The following HOGA1 variants were observed in gnomAD, a reference collection of about 807,000 sequenced individuals.
HOGA1 encodes the protein 4-hydroxy-2-oxoglutarate aldolase, mitochondrial.
A neutral mutation model predicts 34.3 loss-of-function variants in HOGA1; 30 were observed. That is an observed-to-expected ratio of 0.87 (90% CI 0.65 to 1.19). HOGA1 has a LOEUF of 1.19. Ranked by LOEUF, HOGA1 falls within the 50% of genes most tolerant of loss-of-function variation. The probability of loss-of-function intolerance (pLI) is 0.00; values close to 1 mark genes in which losing one functional copy is unlikely to be tolerated. For missense variants in HOGA1, 417 were observed against 436.5 expected, an observed-to-expected ratio of 0.96 and a Z score of 0.40; for synonymous variants, 161 against 174.0, an observed-to-expected ratio of 0.93 and a Z score of 0.59.
chr10:97,589,106 G>A (rs865968191), intron 1 of HOGA1, among the ~76,000 whole-genome samples: 12 of 152,048 alleles, frequency 7.9e-5, no homozygotes, highest in African/African-American at 2.7e-4. Context: ...ATCTAGACCC[G>A]ATGAAGTCTC....
rs750145949 is a variant in HOGA1, at chr10:97,600,094, A to G, written c.631A>G (p.Lys211Glu). 1.4e-5 allele frequency: 23 copies of G among 1,614,038 alleles called. No homozygotes were observed. ...DVTRIGLIVH[K>E]TRKQDFQVLA... ...GACCAGGATTGGGCTGATTGTTCACAAGACCAGGAAGCAGGATTTTCAGGT... is the reference window on the plus strand; with the variant it reads ...GACCAGGATTGGGCTGATTGTTCACGAGACCAGGAAGCAGGATTTTCAGGT... Residue 211 changes from lysine (K) to glutamate (E), a missense_variant, in exon 5 of 7, where the codon AAG becomes GAG. Physicochemically the swap from Lys to Glu is moderately conservative, Grantham distance 56. Coordinates refer to ENST00000370646, the MANE Select transcript of HOGA1 (RefSeq NM_138413.4).
Position 97,611,726 on chromosome 10 carries a change from G to A in HOGA1, c.*67G>A. The A allele has an allele frequency of 6.4e-7, 1 of 1,550,762 alleles. No homozygotes were observed. Among genetic ancestry groups the A allele is most frequent in the Non-Finnish European group, 8.7e-7 (1 of 1,148,282 alleles). On this transcript the variant is annotated 3_prime_UTR_variant, in exon 7 of 7. Transcript: ENST00000370646. The stretch of plus-strand genomic sequence containing the variant: ...TCCTGCCTTGCACTTGCAGCCTGAA[G>A]CGGAGAGCACAGGGGGATGAGGGTG...
chr10:97,605,210 A>G (rs1156286547), intron 6 of HOGA1, among the ~76,000 whole-genome samples: 1 of 152,048 alleles, frequency 6.6e-6, no homozygotes, highest in Non-Finnish European at 1.5e-5. Context: ...GGAGTTCAAG[A>G]CCAGCCTGCG....
chr10:97,600,333 T>G, intron 5 of HOGA1, 170 bp downstream of exon 5: 1 of 675,872 alleles, frequency 1.5e-6, no homozygotes, highest in East Asian at 2.7e-5. Context: ...CTGTCTGAAT[T>G]CGGGATGCTG....
At chr10:97,607,935 A>G (rs1307598618) in intron 6 of HOGA1, among the ~76,000 whole-genome samples, 1 of 152,230 alleles carries the variant, frequency 6.6e-6, no homozygotes, top group Non-Finnish European at 1.5e-5. Context: ...ATTTATTATA[A>G]TTTTATTTTC....
chr10:97,591,634 T>C (rs1460260900), intron 1 of HOGA1, among the ~76,000 whole-genome samples: 1 of 151,902 alleles, frequency 6.6e-6, no homozygotes, highest in Non-Finnish European at 1.5e-5. Flanking sequence ...TTTATGTATG[T>C]ATATTTTGAG....
At chr10:97,602,447 A>G (rs1327063493) in intron 6 of HOGA1, 11 of 985,216 alleles carry the variant, frequency 1.1e-5, no homozygotes, top group Non-Finnish European at 1.3e-5. Flanking sequence ...GTCTTCAAAT[A>G]ATCGGTTCTG....
intron 6 of HOGA1, chr10:97,602,665 T>C (rs2041128728): frequency 5.1e-6 from 4 of 779,764 alleles, no homozygotes; most frequent in African/African-American, 2.1e-5. Context: ...CTGTCTTTCT[T>C]TCTCTTTCTC....
At chr10:97,602,146 C>A in intron 6 of HOGA1, 156 bp downstream of exon 6, 2 of 1,549,400 alleles carry the variant, frequency 1.3e-6, no homozygotes, top group Admixed American at 3.9e-5. Flanking sequence ...CCTTGTGACT[C>A]CCAGAAAATC....
intron 1 of HOGA1, among the ~76,000 whole-genome samples, chr10:97,591,747 C>T (rs1468569075): frequency 6.6e-6 from 1 of 151,700 alleles, no homozygotes; most frequent in Non-Finnish European, 1.5e-5. Context: ...ACCTCAGCTT[C>T]CCAAGTAGCT....
In HOGA1 at chr10:97,611,696, C is replaced by A; in HGVS notation, c.*37C>A. 1 of 1,597,012 alleles carries A rather than the reference C, an allele frequency of 6.3e-7. No individual in the cohort carries two copies. The highest frequency in any genetic ancestry group is 8.5e-7 in the Non-Finnish European group (1 of 1,174,356). ...GTCCATGGCTGGCCTGAGCCCATCT[C>A]AGCCTCCTGCCTTGCACTTGCAGCC... On this transcript the variant is annotated 3_prime_UTR_variant, in exon 7 of 7. Transcript: ENST00000370646.
At position 97,584,856 on chromosome 10, in the gene HOGA1, G is replaced by C; in HGVS notation, c.153G>C (p.Glu51Asp). The C allele has an allele frequency of 6.2e-7, 1 of 1,614,188 alleles. No homozygotes were observed. The highest frequency in any genetic ancestry group is 8.5e-7 in the Non-Finnish European group (1 of 1,180,026). The change falls in exon 1 of 7, where the codon GAG becomes GAC. Residue 51 changes from glutamate (E) to aspartate (D), a missense_variant. Transcript: ENST00000370646. ...CCACCCCCTTCACTGCCACTGCAGA[G>C]GTGGACTATGGGAAACTGGAGGAGA... Reference protein sequence around the residue: ...PVTTPFTATAEVDYGKLEENL... With the variant: ...PVTTPFTATADVDYGKLEENL...
chr10:97,605,506 GCTGTA>G (rs1019448029), intron 6 of HOGA1, among the ~76,000 whole-genome samples: 1 of 152,046 alleles, frequency 6.6e-6, no homozygotes, highest in African/African-American at 2.4e-5. Context: ...TTCCAGAGCA[GCTGTA>G]CTATTTTAAA....
At chr10:97,606,002 G>C (rs2041154004) in intron 6 of HOGA1, among the ~76,000 whole-genome samples, 1 of 151,848 alleles carries the variant, frequency 6.6e-6, no homozygotes, top group African/African-American at 2.4e-5. Flanking sequence ...CTCTTAAAGA[G>C]TTCTGGGCAT....
At chr10:97,602,174 C>T (rs1195682962) in intron 6 of HOGA1, 184 bp downstream of exon 6, 9 of 1,547,902 alleles carry the variant, frequency 5.8e-6, no homozygotes, top group South Asian at 1.2e-5. Flanking sequence ...CGGACAAAGT[C>T]GAGCACCACT....
At chr10:97,593,197 C>T (rs2041042124) in intron 1 of HOGA1, among the ~76,000 whole-genome samples, 1 of 151,728 alleles carries the variant, frequency 6.6e-6, no homozygotes, top group Non-Finnish European at 1.5e-5. Context: ...CATTGGGGGC[C>T]GAACACGGCG....
chr10:97,590,379 A>G (rs548435079), intron 1 of HOGA1: 9 of 1,614,116 alleles, frequency 5.6e-6, no homozygotes, highest in South Asian at 2.2e-5. Context: ...CTAGAGTCCA[A>G]GGACATCAAC....
intron 1 of HOGA1, among the ~76,000 whole-genome samples, chr10:97,595,148 G>GTAAT (rs2041058907): frequency 1.3e-5 from 2 of 152,192 alleles, no homozygotes; most frequent in African/African-American, 4.8e-5. Flanking sequence ...AGCAGCAAGT[G>GTAAT]TAATCATGGG....
At chr10:97,600,036 C>A (rs371213768) in intron 4 of HOGA1, 31 bp from the exon 5 acceptor site, 1 of 1,600,142 alleles carries the variant, frequency 6.2e-7, no homozygotes, top group Non-Finnish European at 8.6e-7. Context: ...AGGCTCTGGG[C>A]ACAGCTCTCA....
Sources: allele counts gnomAD v4.1 joint callset (sites outside exome capture counted in the v4.1 genomes callset), GRCh38; gene constraint gnomAD v4.1.1; transcripts MANE v1.5; gene names NCBI Gene and HGNC (gene_info 2026-07-23, HGNC 2026-07-21).